The following PEPD variants were observed in gnomAD, a reference collection of about 807,000 sequenced individuals.
PEPD encodes the protein peptidase D.
Under a neutral mutation model 60.7 loss-of-function variants are expected in PEPD, and 53 were observed. The ratio of observed to expected loss-of-function variants is 0.87; its 90% confidence interval spans 0.70 to 1.10. The LOEUF is 1.10. Among genes scored for constraint, PEPD ranks in the 50% least tolerant of loss-of-function variants. The pLI, the probability that PEPD is intolerant of heterozygous loss-of-function variation, is 0.00. For synonymous variants in PEPD, 267 were observed against 284.1 expected, an observed-to-expected ratio of 0.94 and a Z score of 0.60; for missense variants, 711 against 711.9, an observed-to-expected ratio of 1.00 and a Z score of 0.01.
At chr19:33,439,323 G>C (rs11670528) in intron 9 of PEPD, among the ~76,000 whole-genome samples, 11,497 of 152,276 alleles carry the variant, frequency 0.076, 541 homozygotes, top group Non-Finnish European at 0.11. Flanking sequence ...TGAGCCGAGG[G>C]GTCCTGGCTG....
chr19:33,519,103 T>C (rs1288018658), intron 1 of PEPD, among the ~76,000 whole-genome samples: 3 of 152,094 alleles, frequency 2.0e-5, no homozygotes, highest in Non-Finnish European at 4.4e-5. Flanking sequence ...GCTCAAAGCA[T>C]TGCTTAAGGA....
At chr19:33,430,739 G>C (rs781649123) in intron 9 of PEPD, among the ~76,000 whole-genome samples, 1 of 152,032 alleles carries the variant, frequency 6.6e-6, no homozygotes, top group Non-Finnish European at 1.5e-5. Flanking sequence ...CCCCAGCCTC[G>C]CCCCACTGGC....
chr19:33,460,479 C>T (rs1969905648), intron 9 of PEPD, among the ~76,000 whole-genome samples: 1 of 152,142 alleles, frequency 6.6e-6, no homozygotes. Flanking sequence ...GTGACACTTT[C>T]CCCAGACACC....
chr19:33,474,625 A>C (rs980806374), intron 7 of PEPD, among the ~76,000 whole-genome samples: 1 of 152,158 alleles, frequency 6.6e-6, no homozygotes, highest in African/African-American at 2.4e-5. Flanking sequence ...CGGAGGTTGC[A>C]GTGAGCCAAG....
intron 6 of PEPD, among the ~76,000 whole-genome samples, chr19:33,484,703 C>T (rs1438129077): frequency 1.3e-5 from 2 of 152,106 alleles, no homozygotes; most frequent in Non-Finnish European, 2.9e-5. Flanking sequence ...AAGATCCACA[C>T]CCTGATATAC....
chr19:33,422,859 T>C (rs1415238828), intron 9 of PEPD, among the ~76,000 whole-genome samples: 7 of 144,170 alleles, frequency 4.9e-5, no homozygotes, highest in African/African-American at 1.9e-4. Context: ...TCCATCCATC[T>C]CTCTATATCT....
intron 5 of PEPD, among the ~76,000 whole-genome samples, chr19:33,491,706 A>C (rs529373972): frequency 6.6e-6 from 1 of 152,164 alleles, no homozygotes; most frequent in Non-Finnish European, 1.5e-5. Flanking sequence ...GAACTTTTTA[A>C]AAGAGGCAAA....
intron 11 of PEPD, among the ~76,000 whole-genome samples, chr19:33,402,863 G>A (rs954783785): frequency 6.6e-6 from 1 of 152,220 alleles, no homozygotes; most frequent in Admixed American, 6.5e-5. Flanking sequence ...GATGACAGGA[G>A]GCCTGCTGAG....
intron 9 of PEPD, among the ~76,000 whole-genome samples, chr19:33,457,951 G>A (rs1420476772): frequency 4.6e-5 from 7 of 152,194 alleles, no homozygotes; most frequent in East Asian, 1.9e-4. Flanking sequence ...CTCCAACCCC[G>A]CCCCCAGCAC....
Position 33,387,986 on chromosome 19 carries a change from G to A in PEPD, c.1248C>T (p.Tyr416=), listed in dbSNP as rs759993012. 4 of 1,589,470 alleles carry A rather than the reference G, an allele frequency of 2.5e-6. No homozygotes were observed. Among genetic ancestry groups the A allele is most frequent in the East Asian group, 2.3e-5 (1 of 43,904 alleles). The part of the protein sequence containing the change: ...GMVLTVEPGI[Y]FIDHLLDEAL... ...CCTCATCCAGGAGGTGGTCGATGAA[G>A]TAGATGCCCGGCTCCACGGTGAGCA... The change falls in exon 14 of 15, where the codon TAC becomes TAT. Residue 416 remains tyrosine (Y), a synonymous_variant. Coordinates refer to ENST00000244137, the MANE Select transcript of PEPD (RefSeq NM_000285.4).
intron 9 of PEPD, among the ~76,000 whole-genome samples, chr19:33,434,432 CT>C (rs1348869674): frequency 3.3e-5 from 5 of 152,134 alleles, no homozygotes; most frequent in South Asian, 4.2e-4. Flanking sequence ...TTTATCCCCC[CT>C]GGCAGAGAAG....
chr19:33,477,845 G>C (rs1970246789), intron 7 of PEPD, among the ~76,000 whole-genome samples: 1 of 152,202 alleles, frequency 6.6e-6, no homozygotes, highest in South Asian at 2.1e-4. Flanking sequence ...TGATGTTTAA[G>C]TGACTCACGT....
At chr19:33,468,007 T>C (rs1970051560) in intron 7 of PEPD, among the ~76,000 whole-genome samples, 1 of 151,692 alleles carries the variant, frequency 6.6e-6, no homozygotes, top group African/African-American at 2.4e-5. Flanking sequence ...AAACACACAA[T>C]GATGGAGTGG....
rs1257277052 is a variant in PEPD, at chr19:33,500,986, C to A, written c.345G>T (p.Glu115Asp). The A allele has an allele frequency of 3.1e-6, 5 of 1,600,806 alleles. No individual in the cohort carries two copies. Among genetic ancestry groups the A allele is most frequent in the Non-Finnish European group, 4.3e-6 (5 of 1,167,874 alleles). ...ATWMGKIHSK[E>D]HFKEKYAVDD... is the part of the protein sequence containing the mutation. ...CCACGGCATACTTCTCCTTGAAGTG[C>A]TCCTTGGAATGGATCCTCAAAGAAA... The change falls in exon 4 of 15, where the codon GAG (glutamate) becomes GAT (aspartate). Residue 115 changes from glutamate (E) to aspartate (D), a missense_variant. Coordinates refer to ENST00000244137, the MANE Select transcript of PEPD (RefSeq NM_000285.4).
intron 6 of PEPD, among the ~76,000 whole-genome samples, chr19:33,480,123 T>A (rs941011955): frequency 6.6e-6 from 1 of 152,194 alleles, no homozygotes; most frequent in Non-Finnish European, 1.5e-5. Context: ...AATGATTTTT[T>A]AAAATATGAT....
chr19:33,487,180 G>C (rs1210712661), intron 6 of PEPD: 1 of 152,332 alleles, frequency 6.6e-6, no homozygotes, highest in African/African-American at 2.4e-5. Flanking sequence ...TTGGGGACGT[G>C]GTCTCTGCCC....
At chr19:33,400,029 T>C (rs559851278) in intron 12 of PEPD, among the ~76,000 whole-genome samples, 14 of 152,154 alleles carry the variant, frequency 9.2e-5, no homozygotes, top group Non-Finnish European at 1.8e-4. Context: ...TCCTGGACTC[T>C]GAAGCCTTGC....
intron 9 of PEPD, among the ~76,000 whole-genome samples, chr19:33,456,279 C>T (rs1472834630): frequency 1.3e-5 from 2 of 152,140 alleles, no homozygotes; most frequent in Non-Finnish European, 2.9e-5. Flanking sequence ...GATGGACGGG[C>T]ACACAGGACC....
intron 11 of PEPD, among the ~76,000 whole-genome samples, chr19:33,409,894 A>G (rs79757694): frequency 4.4e-4 from 67 of 152,322 alleles, no homozygotes; most frequent in African/African-American, 1.5e-3. Context: ...ACATCGCAGG[A>G]TCAGGGCGAG....
Sources: gnomAD v4.1 joint callset for allele counts (sites outside exome capture counted in the v4.1 genomes callset) on GRCh38, gnomAD v4.1.1 for gene constraint, MANE v1.5 for transcripts, NCBI Gene and HGNC (gene_info 2026-07-23, HGNC 2026-07-21) for gene names.